The following CYP4F11 variants were observed in gnomAD, a reference collection of about 807,000 sequenced individuals.
CYP4F11 encodes cytochrome P450 family 4 subfamily F member 11.
Under a neutral mutation model 62.2 loss-of-function variants are expected in CYP4F11, and 79 were observed. The ratio of observed to expected loss-of-function variants is 1.27; its 90% confidence interval spans 1.06 to 1.53. The LOEUF (loss-of-function observed/expected upper bound fraction) is 1.53. Ranked by LOEUF, CYP4F11 falls within the 40% of genes most tolerant of loss-of-function variation. The probability of loss-of-function intolerance (pLI) is 0.00; values close to 1 mark genes in which losing one functional copy is unlikely to be tolerated. For synonymous variants in CYP4F11, 290 were observed against 263.7 expected (o/e 1.10, Z -0.97); for missense variants, 777 against 680.5 (o/e 1.14, Z -1.58).
chr19:15,912,644 G>A lies in CYP4F11; in HGVS notation c.*1088C>T, dbSNP rs1177704183. The A allele has an allele frequency of 7.6e-6, 1 of 130,920 alleles. No homozygotes were observed. The highest frequency in any genetic ancestry group is 2.9e-5 in the African/African-American group (1 of 34,090). The allele number at this position is 130,920 out of a possible 1,614,324, so 8.1% of individuals were successfully genotyped here. A position where few individuals can be genotyped will look rare whatever the true frequency, so the allele number is the denominator to read the frequency against. ...TCTCATTCTCCTACCACCTCACACAGTCAGGTACCTTCACCATCCTCAGGA... is the reference window on the plus strand; with the variant it reads ...TCTCATTCTCCTACCACCTCACACAATCAGGTACCTTCACCATCCTCAGGA... On this transcript the variant is annotated 3_prime_UTR_variant, in exon 12 of 12. Transcript: ENST00000402119.
At position 15,929,612 on chromosome 19, in the gene CYP4F11, G is replaced by A. The variant is rs763189971; in HGVS notation, c.199-11C>T. On this transcript the variant is annotated splice_polypyrimidine_tract_variant and intron_variant, in intron 1 of 11. Coordinates refer to ENST00000402119, the MANE Select transcript of CYP4F11 (RefSeq NM_021187.4). ...TTCCGTGGGAGTGACCTGAAAACAA[G>A]GCAGAGGCCGTCAGCCCTTGTGATG... 1 of 1,579,410 alleles carries A rather than the reference G, an allele frequency of 6.3e-7. No homozygotes were observed. The highest frequency in any genetic ancestry group is 1.2e-5 in the South Asian group (1 of 85,458).
chr19:15,928,900 T>G (rs1408672969), intron 2 of CYP4F11, among the ~76,000 whole-genome samples: 2 of 152,152 alleles, frequency 1.3e-5, no homozygotes, highest in African/African-American at 4.8e-5. Context: ...GCAGCCCAGA[T>G]TCTCCACCAG....
chr19:15,914,950 C>G, intron 8 of CYP4F11, 55 bp from the exon 9 acceptor site: 3 of 1,593,594 alleles, frequency 1.9e-6, no homozygotes, highest in Non-Finnish European at 2.6e-6. Flanking sequence ...CACAATTCTC[C>G]AGCTTCTCTG....
intron 8 of CYP4F11, among the ~76,000 whole-genome samples, chr19:15,920,734 C>A (rs1247506891): frequency 6.6e-6 from 1 of 152,150 alleles, no homozygotes; most frequent in African/African-American, 2.4e-5. Context: ...TAAAAAGATT[C>A]TCCTGCTACC....
At chr19:15,929,336 A>G in intron 2 of CYP4F11, 121 bp downstream of exon 2, 1 of 1,304,778 alleles carries the variant, frequency 7.7e-7, no homozygotes, top group Non-Finnish European at 1.1e-6. Context: ...AACATGGCTG[A>G]GAGAGAAGCA....
Position 15,924,870 on chromosome 19 carries a change from G to T in CYP4F11, c.538C>A (p.Arg180Ser), listed in dbSNP as rs148197835. ...SVNIMHDKWQ[R>S]LASEGSARLD... is the part of the protein sequence containing the mutation. ...CTGGCGCTGCCCTCTGAGGCCAGGC[G>T]CTGCCACTTGTCCTGGCCAGAGAAA... The change falls in exon 5 of 12, where the codon CGC (arginine) becomes AGC (serine). Residue 180 changes from arginine to serine, a missense_variant. Arg to Ser is a moderately radical substitution (Grantham distance 110). Transcript: ENST00000402119. 6 of 1,610,992 alleles carry T rather than the reference G, an allele frequency of 3.7e-6. No individual in the cohort carries two copies. The highest frequency in any genetic ancestry group is 1.7e-5 in the Admixed American group (1 of 59,846).
At chr19:15,924,117 AG>A (rs1340448510) in intron 5 of CYP4F11, 35 bp from the exon 6 acceptor site, 1 of 1,597,210 alleles carries the variant, frequency 6.3e-7, no homozygotes, top group South Asian at 1.1e-5. Flanking sequence ...ACATATGCAA[AG>A]TCCCAGGAGC....
At chr19:15,924,208 A>T (rs1157611696) in intron 5 of CYP4F11, 126 bp from the exon 6 acceptor site, 5 of 1,231,220 alleles carry the variant, frequency 4.1e-6, no homozygotes, top group South Asian at 1.5e-5. Context: ...GACTCTCCAA[A>T]CTCTCTTCTC....
chr19:15,917,477 G>C (rs1266257078), intron 8 of CYP4F11, among the ~76,000 whole-genome samples: 1 of 152,222 alleles, frequency 6.6e-6, no homozygotes, highest in South Asian at 2.1e-4. Flanking sequence ...GCATGGCAAA[G>C]CTGCAAGAAC....
chr19:15,924,928 G>C, intron 4 of CYP4F11, 46 bp from the exon 5 acceptor site: 3 of 1,581,176 alleles, frequency 1.9e-6, no homozygotes, highest in Non-Finnish European at 2.6e-6. Context: ...TGCCTCCTGG[G>C]AGCACCTTCC....
chr19:15,934,492 A>C lies in CYP4F11; in HGVS notation c.-84T>G. ...GCTCCAAGGACAGTGGAAAGGGGCA[A>C]GGATGGGCAGTGCTGGAGGCAGATC... On this transcript the variant is annotated 5_prime_UTR_variant, in exon 1 of 12. Coordinates refer to ENST00000402119, the MANE Select transcript of CYP4F11 (RefSeq NM_021187.4). The C allele has an allele frequency of 6.7e-7, 1 of 1,492,112 alleles. No individual in the cohort carries two copies. Among genetic ancestry groups the C allele is most frequent in the South Asian group, 1.2e-5 (1 of 80,872 alleles). 92.4% of individuals were successfully genotyped at this position (1,492,112 alleles called of 1,614,324 possible).
Position 15,913,353 on chromosome 19 carries a change from C to A in CYP4F11, c.*379G>T, listed in dbSNP as rs747433228. On this transcript the variant is annotated 3_prime_UTR_variant, in exon 12 of 12. Transcript: ENST00000402119. Reference sequence around the variant, plus strand: ...AGGACTCCAGTCTTGGGAGGACATTCCCAGGACAGATGAAGGGATCTGCCC... The same window carrying A: ...AGGACTCCAGTCTTGGGAGGACATTACCAGGACAGATGAAGGGATCTGCCC... 29 of 268,288 alleles carry A rather than the reference C, an allele frequency of 1.1e-4. No individual in the cohort carries two copies. Among genetic ancestry groups the A allele is most frequent in the Non-Finnish European group, 4.4e-5 (6 of 137,930 alleles). The allele number at this position is 268,288 out of a possible 1,614,324, so 16.6% of individuals were successfully genotyped here.
At position 15,912,680 on chromosome 19, in the gene CYP4F11, A is replaced by AAAAAAAT. The variant is rs59091525; in HGVS notation, c.*1051_*1052insATTTTTT. The AAAAAAAT allele has an allele frequency of 2.0e-4, 13 of 66,156 alleles. No individual in the cohort carries two copies. The highest frequency in any genetic ancestry group is 7.1e-4 in the African/African-American group (11 of 15,500). 4.1% of individuals were successfully genotyped at this position (66,156 alleles called of 1,614,324 possible). On this transcript the variant is annotated 3_prime_UTR_variant, in exon 12 of 12. Coordinates refer to ENST00000402119, the MANE Select transcript of CYP4F11 (RefSeq NM_021187.4). ...TCACCATCCTCAGGAAAAAAAAAAA[A>AAAAAAAT]ATATATATATATATATATGTGTGTG... is the stretch of plus-strand genomic sequence containing the variant.
At chr19:15,916,789 T>C (rs188428229) in intron 8 of CYP4F11, among the ~76,000 whole-genome samples, 20 of 151,954 alleles carry the variant, frequency 1.3e-4, no homozygotes, top group African/African-American at 4.6e-4. Flanking sequence ...TTGGTGTGGA[T>C]ATGGTGAAAA....
chr19:15,934,321 G>A lies in CYP4F11; in HGVS notation c.88C>T (p.Leu30Phe). ...GTCCAGGCCAGGACGCGGGCCAGGAGCCAGGAGCCTCCAACCAGCAGCAGA... is the reference window on the plus strand; with the variant it reads ...GTCCAGGCCAGGACGCGGGCCAGGAACCAGGAGCCTCCAACCAGCAGCAGA... ...LLLLLVGGSWLLARVLAWTYT... is the reference protein window; with the variant it reads ...LLLLLVGGSWFLARVLAWTYT... The change falls in exon 1 of 12, where the codon CTC becomes TTC. Residue 30 changes from leucine to phenylalanine, a missense_variant. Physicochemically the swap from Leu to Phe is conservative, Grantham distance 22 (BLOSUM62 0). Transcript: ENST00000402119. 1 of 1,613,316 alleles carries A rather than the reference G, an allele frequency of 6.2e-7. No individual in the cohort carries two copies. The highest frequency in any genetic ancestry group is 8.5e-7 in the Non-Finnish European group (1 of 1,179,592).
chr19:15,915,676 T>C (rs2089578258), intron 8 of CYP4F11, among the ~76,000 whole-genome samples: 1 of 152,180 alleles, frequency 6.6e-6, no homozygotes, highest in South Asian at 2.1e-4. Flanking sequence ...TTTAACAGTA[T>C]GTCAGTCTTT....
chr19:15,921,990 C>T lies in CYP4F11; in HGVS notation c.1115+47G>A, dbSNP rs758367943. 12 of 1,519,626 alleles carry T rather than the reference C, an allele frequency of 7.9e-6. No individual in the cohort carries two copies. In the South Asian group the frequency reaches 1.5e-4, roughly 19 times the overall value. 94.1% of individuals were successfully genotyped at this position (1,519,626 alleles called of 1,614,324 possible). ...TCCCTCCCTCTGCCCACCTGAGGAGCAGAACCAATGACAAAAGATCAGGAA... is the reference window on the plus strand; with the variant it reads ...TCCCTCCCTCTGCCCACCTGAGGAGTAGAACCAATGACAAAAGATCAGGAA... On this transcript the variant is annotated intron_variant, in intron 8 of 11. Transcript: ENST00000402119.
At chr19:15,927,972 C>A (rs2089683249) in intron 2 of CYP4F11, 1 of 159,846 alleles carries the variant, frequency 6.3e-6, no homozygotes, top group African/African-American at 2.4e-5. Context: ...TCTGTGTATC[C>A]CAGTGAAGGG....
chr19:15,924,807 C>G lies in CYP4F11; in HGVS notation c.601G>C (p.Asp201His), dbSNP rs1287031135. 2 of 1,613,144 alleles carry G rather than the reference C, an allele frequency of 1.2e-6. No individual in the cohort carries two copies. Among genetic ancestry groups the G allele is most frequent in the Non-Finnish European group, 1.7e-6 (2 of 1,179,504 alleles). Residue 201 changes from aspartate (D) to histidine (H), a missense_variant, in exon 5 of 12, where the codon GAC becomes CAC. Transcript: ENST00000402119. ...CTGAAGACACATTTCTGCAGACTGT[C>G]CAAGGTCATGAGGCTGATGTGTTCA... is the stretch of plus-strand genomic sequence containing the variant. ...MFEHISLMTL[D>H]SLQKCVFSFE...
Sources: allele counts gnomAD v4.1 joint callset (sites outside exome capture counted in the v4.1 genomes callset), GRCh38; gene constraint gnomAD v4.1.1; transcripts MANE v1.5; gene names NCBI Gene and HGNC (gene_info 2026-07-23, HGNC 2026-07-21).